NDE1: variants seen among roughly 807,000 people sequenced by gnomAD.
NDE1 encodes nuclear distribution protein nudE homolog 1.
NDE1 carries 28 observed loss-of-function variants against 43.4 expected under a neutral mutation model. The observed-to-expected ratio is 0.65, with a 90% CI of 0.48 to 0.89. The LOEUF (loss-of-function observed/expected upper bound fraction) is 0.89, where lower values mean the gene tolerates loss of function less well. Ranked by LOEUF, NDE1 falls within the 40% of genes least tolerant of loss-of-function variation. The probability of loss-of-function intolerance (pLI) is 0.00; values close to 1 mark genes in which losing one functional copy is unlikely to be tolerated. For synonymous variants in NDE1, 184 were observed against 172.0 expected, an observed-to-expected ratio of 1.07 and a Z score of -0.55; for missense variants, 441 against 434.1, an observed-to-expected ratio of 1.02 and a Z score of -0.14.
rs577410821 is a variant in NDE1, at chr16:15,704,614, A to T, written c.947+7754A>T. On this transcript the variant is annotated intron_variant, in intron 8 of 8. Transcript: ENST00000396354. ...CTTAGAGGTGAGTTTTCAAGATTTG[A>T]ATTGGAAGAAGGTGAAATGGACAAG... is the stretch of plus-strand genomic sequence containing the variant. Among the ~76,000 whole-genome samples the T allele has an allele frequency of 1.5e-4, 23 of 152,228 alleles. No individual in the cohort carries two copies. In the South Asian group the frequency reaches 4.6e-3, roughly 30 times the overall value.
At chr16:15,682,203 A>C (rs2038217748) in intron 4 of NDE1, among the ~76,000 whole-genome samples, 2 of 152,086 alleles carry the variant, frequency 1.3e-5, no homozygotes, top group South Asian at 4.1e-4. Flanking sequence ...TTATGTATTT[A>C]TGTTTTGAGA....
At chr16:15,686,326 G>C (rs1334040553) in intron 4 of NDE1, 1 of 953,306 alleles carries the variant, frequency 1.0e-6, no homozygotes, top group African/African-American at 1.8e-5. Flanking sequence ...TGTTTTGCAT[G>C]AGAGAAAACT....
rs1280626629 is a variant in NDE1 at position 15,721,515 on chromosome 16, G to A, written c.948-2676G>A. 4 of 1,614,046 alleles carry A rather than the reference G, an allele frequency of 2.5e-6. No homozygotes were observed. Among genetic ancestry groups the A allele is most frequent in the Admixed American group, 1.7e-5 (1 of 59,988 alleles). On this transcript the variant is annotated intron_variant, in intron 8 of 8. Coordinates refer to ENST00000396354, the MANE Select transcript of NDE1 (RefSeq NM_017668.3). ...GCTCGAGTTCCTCTTTGGCTTCCAA[G>A]GCCTCTTCAAGGGCCCGAGCCAGGG...
chr16:15,696,996 G>A, intron 8 of NDE1, 136 bp downstream of exon 8: 1 of 1,536,338 alleles, frequency 6.5e-7, no homozygotes, highest in Non-Finnish European at 8.7e-7. Context: ...CCTCTCCTCT[G>A]CTCCCTGCAG....
At chr16:15,667,543 C>A in intron 3 of NDE1, 104 bp downstream of exon 3, 1 of 1,389,976 alleles carries the variant, frequency 7.2e-7, no homozygotes. Context: ...ACTCCAGACC[C>A]CAGGCCCATG....
rs770320526 is a variant in NDE1, at chr16:15,714,967, C to T, written c.948-9224C>T. The T allele has an allele frequency of 3.1e-6, 5 of 1,613,996 alleles. No homozygotes were observed. The highest frequency in any genetic ancestry group is 1.7e-5 in the Admixed American group (1 of 60,006). On this transcript the variant is annotated intron_variant, in intron 8 of 8. Coordinates refer to ENST00000396354, the MANE Select transcript of NDE1 (RefSeq NM_017668.3). ...CCCATGGCCTCGTTGCTCTCCGTGG[C>T]CTCATCCAGCTCCCGCTGCAGCTTC... is the stretch of plus-strand genomic sequence containing the variant.
At chr16:15,676,044 G>A (rs1178969959) in intron 3 of NDE1, among the ~76,000 whole-genome samples, 1 of 152,018 alleles carries the variant, frequency 6.6e-6, no homozygotes, top group African/African-American at 2.4e-5. Context: ...TGGCAACAGG[G>A]AATCATTGAG....
chr16:15,694,277 C>G, intron 7 of NDE1, 21 bp downstream of exon 7: 2 of 1,609,992 alleles, frequency 1.2e-6, no homozygotes, highest in Non-Finnish European at 1.7e-6. Flanking sequence ...ACTTTCCTGG[C>G]GTTTGGTGCC....
At chr16:15,653,661 G>T (rs1321039790) in intron 1 of NDE1, among the ~76,000 whole-genome samples, 1 of 150,932 alleles carries the variant, frequency 6.6e-6, no homozygotes, top group African/African-American at 2.4e-5. Context: ...TGTGTCTCGA[G>T]TGTATTTTCA....
At chr16:15,696,550 C>T (rs1005914695) in intron 7 of NDE1, among the ~76,000 whole-genome samples, 159 bp from the exon 8 acceptor site, 4 of 152,162 alleles carry the variant, frequency 2.6e-5, no homozygotes, top group African/African-American at 9.7e-5. Flanking sequence ...GGTTCTGAGA[C>T]TGGCATATAC....
chr16:15,710,760 T>A (rs1180964521), intron 8 of NDE1, among the ~76,000 whole-genome samples: 2 of 151,774 alleles, frequency 1.3e-5, no homozygotes, highest in African/African-American at 4.8e-5. Context: ...CACTGCAGGC[T>A]CCTCCTCCTG....
In NDE1 at chr16:15,687,356, CT is replaced by C. The variant is rs1213716217; in HGVS notation, c.387-18del. Reference sequence around the variant, plus strand: ...CTGCGGTTTGTCCTCTTGGATAACTCTGCTTTTCTCTTCGCCAGCGCCACGA... The same window carrying C: ...CTGCGGTTTGTCCTCTTGGATAACTCGCTTTTCTCTTCGCCAGCGCCACGA... On this transcript the variant is annotated intron_variant, in intron 4 of 8. Transcript: ENST00000396354. The C allele has an allele frequency of 2.5e-6, 4 of 1,614,052 alleles. No homozygotes were observed. Among genetic ancestry groups the C allele is most frequent in the African/African-American group, 1.3e-5 (1 of 75,040 alleles).
chr16:15,688,491 G>C (rs1034553570), intron 5 of NDE1, among the ~76,000 whole-genome samples: 1 of 151,288 alleles, frequency 6.6e-6, no homozygotes, highest in Non-Finnish European at 1.5e-5. Context: ...AAAACATGAG[G>C]GTATGGTGGT....
intron 8 of NDE1, chr16:15,718,733 C>G: frequency 2.0e-6 from 1 of 512,368 alleles, no homozygotes; most frequent in South Asian, 2.2e-5. Flanking sequence ...TGAATGAAAG[C>G]AGCCACACCC....
chr16:15,697,069 G>A, intron 8 of NDE1: 1 of 1,481,930 alleles, frequency 6.7e-7, no homozygotes. Context: ...TGTTTTGTGA[G>A]ACAGGGTCTC....
intron 8 of NDE1, among the ~76,000 whole-genome samples, chr16:15,709,205 T>G (rs2039641410): frequency 6.6e-6 from 1 of 151,848 alleles, no homozygotes; most frequent in African/African-American, 2.4e-5. Context: ...CCTCCCAAGG[T>G]GCTGGGATTT....
intron 8 of NDE1, chr16:15,718,140 C>G: frequency 1.0e-6 from 1 of 978,872 alleles, no homozygotes. Context: ...CTGAAGACAG[C>G]AGCCTGGGCA....
chr16:15,664,914 CCTG>C, intron 2 of NDE1, 53 bp downstream of exon 2: 1 of 1,367,856 alleles, frequency 7.3e-7, no homozygotes, highest in African/African-American at 1.5e-5. Context: ...GAGATGGGGT[CCTG>C]CTATGTTACC....
At chr16:15,659,838 T>G (rs1181979382) in intron 1 of NDE1, among the ~76,000 whole-genome samples, 2 of 147,536 alleles carry the variant, frequency 1.4e-5, no homozygotes, top group Non-Finnish European at 3.0e-5. Flanking sequence ...AACCTCCACC[T>G]CCTGGGTTCA....
Sources: gnomAD v4.1 joint callset for allele counts (sites outside exome capture counted in the v4.1 genomes callset) on GRCh38, gnomAD v4.1.1 for gene constraint, MANE v1.5 for transcripts, NCBI Gene and HGNC (gene_info 2026-07-23, HGNC 2026-07-21) for gene names.